DNAH1: variants seen among roughly 807,000 people sequenced by gnomAD.
DNAH1 encodes the protein axonemal beta dynein heavy chain 1.
DNAH1 carries 327 observed loss-of-function variants against 484.3 expected under a neutral mutation model. The observed-to-expected ratio is 0.68, with a 90% CI of 0.62 to 0.74. The LOEUF is 0.74. DNAH1 is among the 30% of genes least tolerant of loss of function. The pLI, the probability that DNAH1 is intolerant of heterozygous loss-of-function variation, is 0.00. For synonymous variants in DNAH1, 2,192 were observed against 2,191.9 expected (o/e 1.00, Z 0.00); for missense variants, 5,052 against 5,546.8 (o/e 0.91, Z 2.83).
chr3:52,390,019 C>T (rs1704303671), intron 60 of DNAH1, among the ~76,000 whole-genome samples: 1 of 152,196 alleles, frequency 6.6e-6, no homozygotes, highest in African/African-American at 2.4e-5. Flanking sequence ...ACTCAGGAGG[C>T]TGAGGCAGGA....
rs998069415 is a variant in DNAH1, at chr3:52,352,787, A to G, written c.3027+80A>G. 52 of 1,511,108 alleles carry G rather than the reference A, an allele frequency of 3.4e-5. No homozygotes were observed. In the African/African-American group the frequency reaches 6.3e-4, roughly 18 times the overall value. The allele number at this position is 1,511,108 out of a possible 1,614,324, so 93.6% of individuals were successfully genotyped here. ...CATGTAGATGCAGCTGCCAGGAGGC[A>G]GGGCTCTGGCATTTGGGGGCAGGAC... is the stretch of plus-strand genomic sequence containing the variant. On this transcript the variant is annotated intron_variant, in intron 18 of 77. Coordinates refer to ENST00000420323, the MANE Select transcript of DNAH1 (RefSeq NM_015512.5).
At chr3:52,388,376 G>T (rs556411087) in intron 57 of DNAH1, 42 bp downstream of exon 57, 2 of 1,600,464 alleles carry the variant, frequency 1.2e-6, no homozygotes, top group Admixed American at 3.5e-5. Flanking sequence ...CTCCCCTCCC[G>T]GGGGTACTTG....
In DNAH1 at chr3:52,383,518, C is replaced by T. The variant is rs772072732; in HGVS notation, c.8074C>T (p.Gln2692Ter). The T allele has an allele frequency of 3.1e-6, 5 of 1,613,540 alleles. No individual in the cohort carries two copies. Among genetic ancestry groups the T allele is most frequent in the Non-Finnish European group, 3.4e-6 (4 of 1,179,702 alleles). ...GCCCTATATCCAGGAGCAGGGCCTA[C>T]AGCCCACCAAGGCCAACCTCATGGC... ...MRPYIQEQGLQPTKANLMAAY... is the reference protein window; with the variant it reads ...MRPYIQEQGL The change falls in exon 51 of 78, where the codon CAG becomes TAG. Residue 2692 changes from glutamine to a stop codon, truncating the protein, a stop_gained. Coordinates refer to ENST00000420323, the MANE Select transcript of DNAH1 (RefSeq NM_015512.5). LOFTEE classifies it high-confidence loss of function.
chr3:52,353,336 G>A lies in DNAH1; in HGVS notation c.3226+35G>A. 9 of 1,608,144 alleles carry A rather than the reference G, an allele frequency of 5.6e-6. No homozygotes were observed. The highest frequency in any genetic ancestry group is 7.7e-6 in the Non-Finnish European group (9 of 1,175,802). ...CAAGCCGGCCAATCCCCTCCTCCCT[G>A]CCTCTGCCGCCTGCCTCTCATGCGT... On this transcript the variant is annotated intron_variant, in intron 19 of 77. Transcript: ENST00000420323. This position sits in a 1 kb window ranked among gnomAD's most constrained non-coding sequence, Gnocchi z 5.0.
chr3:52,321,945 T>C lies in DNAH1; in HGVS notation c.-34-464T>C, dbSNP rs562647372. 2.6e-5 allele frequency among the ~76,000 whole-genome samples: 4 copies of C among 151,998 alleles called. No homozygotes were observed. In the East Asian group the frequency reaches 7.7e-4, roughly 29 times the overall value. ...GCTCATGCACCACACTGGGAAAAGG[T>C]AGGGAAGTCTAGCAGGGATGGGCTG... On this transcript the variant is annotated intron_variant, in intron 1 of 77. Transcript: ENST00000420323.
chr3:52,344,609 C>A lies in DNAH1; in HGVS notation c.1406C>A (p.Thr469Asn), dbSNP rs1471799383. 6.2e-7 allele frequency: 1 copy of A among 1,613,920 alleles called. No homozygotes were observed. Among genetic ancestry groups the A allele is most frequent in the Non-Finnish European group, 8.5e-7 (1 of 1,179,850 alleles). Residue 469 changes from threonine to asparagine, a missense_variant, in exon 9 of 78, where the codon ACC becomes AAC. By Grantham distance (65) the Thr-to-Asn change is moderately conservative (BLOSUM62 0). Around this residue, in one of 4 missense-constraint regions of DNAH1, gnomAD observed 1,263 missense variants for 1,218.8 expected, o/e 1.04. Transcript: ENST00000420323. ...SSKPETFSYV[T>N]LPKKEEEQVP... ...AAGCCCGAGACCTTCTCCTACGTCA[C>A]CCTCCCCAAGAAGGAGGAGGAGCAG... is the stretch of plus-strand genomic sequence containing the variant.
At position 52,362,415 on chromosome 3, in the gene DNAH1, G is replaced by A. The variant is rs772468144; in HGVS notation, c.5008G>A (p.Glu1670Lys). 6.2e-7 allele frequency: 1 copy of A among 1,613,900 alleles called. No individual in the cohort carries two copies. The highest frequency in any genetic ancestry group is 8.5e-7 in the Non-Finnish European group (1 of 1,179,868). The part of the protein sequence containing the change: ...RVERFMFEGV[E>K]IPLVPSCAVF... ...GGAACGCTTCATGTTTGAGGGTGTG[G>A]AGATCCCACTGGTGCCATCCTGCGC... Residue 1670 changes from glutamate (E) to lysine (K), a missense_variant, in exon 31 of 78, where the codon GAG (glutamate) becomes AAG (lysine). Physicochemically the swap from Glu to Lys is moderately conservative, Grantham distance 56 (BLOSUM62 1). Around this residue, in one of 4 missense-constraint regions of DNAH1, gnomAD observed 2,929 missense variants for 3,409.4 expected, o/e 0.86. Transcript: ENST00000420323. The surrounding 1 kb of genome is among the most constrained non-coding windows in gnomAD (Gnocchi z 5.1).
intron 56 of DNAH1, 91 bp from the exon 57 acceptor site, chr3:52,388,076 G>T: frequency 6.7e-7 from 1 of 1,492,402 alleles, no homozygotes. Flanking sequence ...TAAAAGCCAG[G>T]GTGTCCCTCA....
Position 52,353,918 on chromosome 3 carries a change from G to A in DNAH1, c.3480+285G>A, listed in dbSNP as rs998717420. 9 of 415,526 alleles carry A rather than the reference G, an allele frequency of 2.2e-5. No homozygotes were observed. Among genetic ancestry groups the A allele is most frequent in the African/African-American group, 4.1e-5 (2 of 49,058 alleles). The allele number at this position is 415,526 out of a possible 1,614,324, so 25.7% of individuals were successfully genotyped here. On this transcript the variant is annotated intron_variant, in intron 20 of 77. Transcript: ENST00000420323. The surrounding 1 kb of genome is among the most constrained non-coding windows in gnomAD (Gnocchi z 5.0). The stretch of plus-strand genomic sequence containing the variant: ...ATTTAACAGATGTGTCAGGCCGGGT[G>A]CAGTGACACATGCCTGTAAATCCCA...
At position 52,378,593 on chromosome 3, in the gene DNAH1, T is replaced by C. The variant is rs1703705232; in HGVS notation, c.7199-9T>C. 1.2e-6 allele frequency: 2 copies of C among 1,612,850 alleles called. No individual in the cohort carries two copies. The highest frequency in any genetic ancestry group is 3.3e-5 in the Admixed American group (2 of 59,966). ...GCATGTGACCCAGGCCATTCTCCTATTCCCCCAGCTGGGGCCCCCCACATT... is the reference window on the plus strand; with the variant it reads ...GCATGTGACCCAGGCCATTCTCCTACTCCCCCAGCTGGGGCCCCCCACATT... On this transcript the variant is annotated splice_polypyrimidine_tract_variant and intron_variant, in intron 46 of 77. Coordinates refer to ENST00000420323, the MANE Select transcript of DNAH1 (RefSeq NM_015512.5).
chr3:52,369,674 G>T lies in DNAH1; in HGVS notation c.5944-151G>T, dbSNP rs1331486115. On this transcript the variant is annotated intron_variant, in intron 37 of 77. Coordinates refer to ENST00000420323, the MANE Select transcript of DNAH1 (RefSeq NM_015512.5). ...CACGTTATCAGCTGAGGACCCAGCG[G>T]TTCCTGTCCCACCCAGCACTGCCCC... is the stretch of plus-strand genomic sequence containing the variant. The T allele has an allele frequency of 3.8e-6, 3 of 799,932 alleles. No homozygotes were observed. In the East Asian group the frequency reaches 8.1e-5, roughly 22 times the overall value. 49.6% of individuals were successfully genotyped at this position (799,932 alleles called of 1,614,324 possible).
intron 20 of DNAH1, 34 bp from the exon 21 acceptor site, chr3:52,354,809 C>T: frequency 6.2e-7 from 1 of 1,608,120 alleles, no homozygotes; most frequent in Non-Finnish European, 8.5e-7. Flanking sequence ...ACCAGCCCCT[C>T]CCAGGACTCA....
chr3:52,339,018 A>C (rs1402627875), intron 8 of DNAH1, among the ~76,000 whole-genome samples: 1 of 151,934 alleles, frequency 6.6e-6, no homozygotes, highest in Non-Finnish European at 1.5e-5. Flanking sequence ...TGGGTGACAG[A>C]GCCAGACTCC....
At chr3:52,378,897 T>A in intron 47 of DNAH1, 117 bp downstream of exon 47, 1 of 1,370,926 alleles carries the variant, frequency 7.3e-7, no homozygotes, top group Non-Finnish European at 1.0e-6. Flanking sequence ...TCCTGGAACA[T>A]GGAGGTGCCA....
Position 52,395,303 on chromosome 3 carries a change from T to G in DNAH1, c.10969-5T>G. 6.2e-7 allele frequency: 1 copy of G among 1,613,034 alleles called. No homozygotes were observed. The highest frequency in any genetic ancestry group is 8.5e-7 in the Non-Finnish European group (1 of 1,179,568). ...TGGTCTCAGCATCTCCCCCTGCCCT[T>G]GCAGACAGCCAATCTGTCAGTGGTG... On this transcript the variant is annotated splice_region_variant and splice_polypyrimidine_tract_variant and intron_variant, in intron 68 of 77. Transcript: ENST00000420323. The surrounding 1 kb of genome is among the most constrained non-coding windows in gnomAD (Gnocchi z 4.4).
At chr3:52,322,238 G>GTAC in intron 1 of DNAH1, among the ~76,000 whole-genome samples, 171 bp from the exon 2 acceptor site, 1 of 152,148 alleles carries the variant, frequency 6.6e-6, no homozygotes, top group Non-Finnish European at 1.5e-5. Context: ...GGGACTCGGG[G>GTAC]TACTGTATGC....
rs200784189 is a variant in DNAH1 at position 52,391,251 on chromosome 3, C to T, written c.9814C>T (p.Arg3272Cys). 2,067 of 1,613,662 alleles carry T rather than the reference C, an allele frequency of 1.3e-3. 6 individuals carry two copies. The highest frequency in any genetic ancestry group is 1.6e-3 in the Non-Finnish European group (1,941 of 1,179,786). The change falls in exon 62 of 78, where the codon CGC becomes TGC. Residue 3272 changes from arginine to cysteine, a missense_variant. Transcript: ENST00000420323. ...DFLRSMENAI[R>C]FGKPCLLENV... ...CCTGCGCAGCATGGAGAACGCCATC[C>T]GCTTTGGCAAGCCATGTCTCCTGGA...
chr3:52,348,072 G>A, intron 12 of DNAH1, 98 bp downstream of exon 12: 4 of 1,306,156 alleles, frequency 3.1e-6, no homozygotes, highest in Non-Finnish European at 4.2e-6. Flanking sequence ...CTGTATCACA[G>A]GCCTCCTGTC....
At position 52,384,782 on chromosome 3, in the gene DNAH1, C is replaced by T. The variant is rs553378340; in HGVS notation, c.8323-4C>T. 1 of 1,597,540 alleles carries T rather than the reference C, an allele frequency of 6.3e-7. No individual in the cohort carries two copies. Among genetic ancestry groups the T allele is most frequent in the East Asian group, 2.3e-5 (1 of 44,136 alleles). On this transcript the variant is annotated splice_polypyrimidine_tract_variant and splice_region_variant and intron_variant, in intron 52 of 77. Transcript: ENST00000420323. ...GGCCGGCATCCATGGTCTTCCTCCC[C>T]CAGATCCAGGTCTGTGTGTACATCC... is the stretch of plus-strand genomic sequence containing the variant.
Sources: allele counts gnomAD v4.1 joint callset (sites outside exome capture counted in the v4.1 genomes callset), GRCh38; gene constraint gnomAD v4.1.1; regional missense constraint gnomAD v4.1.1; non-coding constraint Gnocchi (gnomAD v3.1); transcripts MANE v1.5; gene names NCBI Gene and HGNC (gene_info 2026-07-23, HGNC 2026-07-21).